Variants in SUMF1 observed in about 807,000 individuals in gnomAD.
SUMF1 encodes the protein sulfatase modifying factor 1, also known as formylglycine-generating enzyme.
In SUMF1, 48 loss-of-function variants were observed where a neutral mutation model predicts 47.6. The ratio of observed to expected loss-of-function variants is 1.01; its 90% confidence interval spans 0.80 to 1.28. The LOEUF (loss-of-function observed/expected upper bound fraction) is 1.28. Ranked by LOEUF, SUMF1 falls within the 50% of genes most tolerant of loss-of-function variation. SUMF1 has a pLI of 0.00. For missense variants in SUMF1, 571 were observed against 485.4 expected (o/e 1.18, Z -1.66); for synonymous variants, 230 against 192.1 (o/e 1.20, Z -1.63).
intron 7 of SUMF1, among the ~76,000 whole-genome samples, 177 bp from the exon 8 acceptor site, chr3:4,376,566 C>G (rs1700337362): frequency 6.6e-6 from 1 of 152,136 alleles, no homozygotes; most frequent in Non-Finnish European, 1.5e-5. Flanking sequence ...GCTCACCTCC[C>G]CAAATCCTAC....
intron 3 of SUMF1, among the ~76,000 whole-genome samples, chr3:4,445,888 C>G (rs1240814184): frequency 2.0e-5 from 3 of 152,114 alleles, no homozygotes; most frequent in Non-Finnish European, 4.4e-5. Flanking sequence ...GAAAGGTACA[C>G]CAGATCTCTC....
intron 8 of SUMF1, among the ~76,000 whole-genome samples, chr3:4,108,420 C>A (rs977625242): frequency 6.6e-6 from 1 of 152,050 alleles, no homozygotes; most frequent in South Asian, 2.1e-4. Flanking sequence ...GTGGAGAGTT[C>A]TGTATATGTC....
chr3:4,263,024 C>T (rs973962924), intron 8 of SUMF1, among the ~76,000 whole-genome samples: 2 of 152,084 alleles, frequency 1.3e-5, no homozygotes, highest in African/African-American at 4.8e-5. Context: ...TCCAAACTTT[C>T]TGTAATGTTA....
intron 8 of SUMF1, among the ~76,000 whole-genome samples, chr3:4,071,660 T>C (rs565826210): frequency 6.6e-6 from 1 of 152,308 alleles, no homozygotes; most frequent in South Asian, 2.1e-4. Context: ...TAGGCGTTTT[T>C]ATGCTCACAG....
Position 4,341,835 on chromosome 3 carries a change from C to T in SUMF1, c.1014+34495G>A, listed in dbSNP as rs75855190. Among the ~76,000 whole-genome samples the T allele has an allele frequency of 4.6e-3, 707 of 152,196 alleles. 7 individuals carry two copies. The highest frequency in any genetic ancestry group is 0.016 in the African/African-American group (679 of 41,520). On this transcript the variant is annotated intron_variant and NMD_transcript_variant, in intron 8 of 12. Coordinates refer to the SUMF1 transcript ENST00000448413. ...CTAGACACTGTCACAAAATATCAAA[C>T]GCTATTTATGTGTGTGTGTGTTTTT...
At chr3:4,353,226 C>T (rs1202394664) in intron 8 of SUMF1, among the ~76,000 whole-genome samples, 1 of 152,172 alleles carries the variant, frequency 6.6e-6, no homozygotes, top group Admixed American at 6.5e-5. Flanking sequence ...TAGTGAGACC[C>T]TCATCTTTAC....
chr3:4,425,420 C>CAAT (rs1702037210), intron 3 of SUMF1, among the ~76,000 whole-genome samples: 1 of 152,174 alleles, frequency 6.6e-6, no homozygotes, highest in Admixed American at 6.5e-5. Flanking sequence ...TATGTTATTA[C>CAAT]ATGTTACAAT....
chr3:4,254,194 A>G (rs990635477), intron 8 of SUMF1, among the ~76,000 whole-genome samples: 36 of 152,188 alleles, frequency 2.4e-4, no homozygotes, highest in Admixed American at 2.2e-3. Context: ...GAAACTCTAA[A>G]AAGCAGAGCG....
chr3:4,156,129 C>T (rs1415970980), intron 8 of SUMF1, among the ~76,000 whole-genome samples: 2 of 151,464 alleles, frequency 1.3e-5, no homozygotes, highest in African/African-American at 4.9e-5. Flanking sequence ...CATAAAGTAG[C>T]CTGGTCCTGT....
At chr3:4,247,255 G>C (rs923371272) in intron 8 of SUMF1, among the ~76,000 whole-genome samples, 2 of 152,240 alleles carry the variant, frequency 1.3e-5, no homozygotes, top group Admixed American at 6.5e-5. Context: ...TAGTATTTTG[G>C]AACATGTGTT....
chr3:4,438,234 A>C lies in SUMF1; in HGVS notation c.519+11032T>G, dbSNP rs1299522966. ...AATTTCAATAGCTATAAGAGCAAAA[A>C]AAAAAAAAGATCTCATAGAAATACA... On this transcript the variant is annotated intron_variant, in intron 3 of 8. Coordinates refer to ENST00000272902, the MANE Select transcript of SUMF1 (RefSeq NM_182760.4). 1.1e-4 allele frequency among the ~76,000 whole-genome samples: 15 copies of C among 130,986 alleles called. 2 individuals carry two copies. Among genetic ancestry groups the C allele is most frequent in the South Asian group, 1.1e-3 (5 of 4,552 alleles). 85.9% of individuals were successfully genotyped at this position (130,986 alleles called of 152,430 possible).
At chr3:4,262,478 C>G (rs1159697519) in intron 8 of SUMF1, among the ~76,000 whole-genome samples, 1 of 152,070 alleles carries the variant, frequency 6.6e-6, no homozygotes, top group Non-Finnish European at 1.5e-5. Flanking sequence ...CCAAAAAATC[C>G]ATGACTAAGG....
intron 8 of SUMF1, among the ~76,000 whole-genome samples, chr3:4,197,713 T>G (rs1361762581): frequency 1.3e-5 from 2 of 152,150 alleles, no homozygotes; most frequent in Non-Finnish European, 2.9e-5. Flanking sequence ...TACTCTATTG[T>G]CTATCCAAAC....
In SUMF1 at chr3:4,087,166, A is replaced by G. The variant is rs73806895; in HGVS notation, c.1015-18421T>C. ...TGGCTGATAAAGGTACTGGAAAGCC[A>G]ACGTGGGGTAGTGAGAATCAGAAGA... On this transcript the variant is annotated intron_variant and NMD_transcript_variant, in intron 8 of 12. Transcript: ENST00000448413. 1.7e-3 allele frequency among the ~76,000 whole-genome samples: 263 copies of G among 152,294 alleles called. 1 individual carries two copies. The highest frequency in any genetic ancestry group is 6.0e-3 in the African/African-American group (251 of 41,536).
intron 8 of SUMF1, among the ~76,000 whole-genome samples, chr3:4,185,510 A>G (rs1695183272): frequency 6.6e-6 from 1 of 152,178 alleles, no homozygotes; most frequent in Admixed American, 6.5e-5. Flanking sequence ...AGAGTCTACA[A>G]TGTTCTAAGC....
intron 3 of SUMF1, among the ~76,000 whole-genome samples, chr3:4,424,475 C>T (rs935874077): frequency 5.3e-5 from 8 of 152,126 alleles, no homozygotes; most frequent in East Asian, 3.8e-4. Flanking sequence ...GAGGACACCA[C>T]GACAACACTA....
chr3:4,100,502 C>T (rs1693008919), intron 8 of SUMF1, among the ~76,000 whole-genome samples: 1 of 152,008 alleles, frequency 6.6e-6, no homozygotes. Flanking sequence ...TGTCCTTCAT[C>T]TCACTCTTAT....
At chr3:4,203,729 T>C (rs1281324369) in intron 8 of SUMF1, among the ~76,000 whole-genome samples, 1 of 151,960 alleles carries the variant, frequency 6.6e-6, no homozygotes, top group East Asian at 1.9e-4. Context: ...TATTTTAATT[T>C]CTCTTTTCAT....
chr3:4,192,626 C>T (rs939501565), intron 8 of SUMF1, among the ~76,000 whole-genome samples: 1 of 152,018 alleles, frequency 6.6e-6, no homozygotes, highest in Admixed American at 6.6e-5. Context: ...ATAGAAGTGT[C>T]TTTGTTACTC....
Sources: allele counts gnomAD v4.1 joint callset (sites outside exome capture counted in the v4.1 genomes callset), GRCh38; gene constraint gnomAD v4.1.1; transcripts MANE v1.5; gene names NCBI Gene and HGNC (gene_info 2026-07-23, HGNC 2026-07-21).